The following PKD2L1 variants were observed in gnomAD, a reference collection of about 807,000 sequenced individuals.
PKD2L1 encodes polycystin-2-like protein 1.
PKD2L1 carries 77 observed loss-of-function variants against 93.0 expected under a neutral mutation model. That is an observed-to-expected ratio of 0.83 (90% CI 0.69 to 1.00). The LOEUF is 1.00. Among genes scored for constraint, PKD2L1 ranks in the 50% least tolerant of loss-of-function variants. The probability of loss-of-function intolerance (pLI) is 0.00; values close to 1 mark genes in which losing one functional copy is unlikely to be tolerated. For synonymous variants in PKD2L1, 390 were observed against 388.0 expected (o/e 1.01, Z -0.06); for missense variants, 977 against 990.9 (o/e 0.99, Z 0.19).
chr10:100,321,679 GAAAGAAAGAAAGAAAGA>G (rs1849234553), intron 2 of PKD2L1, among the ~76,000 whole-genome samples: 5 of 678 alleles, frequency 7.4e-3, no homozygotes, highest in African/African-American at 0.021. Context: ...AAGAAAGAAA[GAAAGAAAGAAAGAAAGA>G]AAGAAAGAAA....
chr10:100,307,847 G>A (rs2133555239), intron 2 of PKD2L1, among the ~76,000 whole-genome samples: 1 of 152,254 alleles, frequency 6.6e-6, no homozygotes, highest in South Asian at 2.1e-4. Flanking sequence ...TTCTAGGGCT[G>A]GCCTTCCCAG....
intron 15 of PKD2L1, among the ~76,000 whole-genome samples, chr10:100,288,757 A>G (rs1275516343): frequency 6.6e-6 from 1 of 152,156 alleles, no homozygotes; most frequent in Admixed American, 6.5e-5. Context: ...TCACAGAGCT[A>G]TGTGGCAACA....
In PKD2L1 at chr10:100,288,358, A is replaced by T; in HGVS notation, c.*38T>A. ...GGACCAGGAGGCAGCCTCTTGCAGA[A>T]GATCCTTCATAGACTTTGCTCCGGG... On this transcript the variant is annotated 3_prime_UTR_variant, in exon 16 of 16. Coordinates refer to ENST00000318222, the MANE Select transcript of PKD2L1 (RefSeq NM_016112.3). The T allele has an allele frequency of 7.4e-7, 1 of 1,345,016 alleles. No homozygotes were observed. The highest frequency in any genetic ancestry group is 1.1e-6 in the Non-Finnish European group (1 of 934,788). The allele number at this position is 1,345,016 out of a possible 1,614,324, so 83.3% of individuals were successfully genotyped here. A position where few individuals can be genotyped will look rare whatever the true frequency, so the allele number is the denominator to read the frequency against.
In PKD2L1 at chr10:100,296,431, C is replaced by T. The variant is rs144008351; in HGVS notation, c.1186-139G>A. On this transcript the variant is annotated intron_variant, in intron 6 of 15. Coordinates refer to ENST00000318222, the MANE Select transcript of PKD2L1 (RefSeq NM_016112.3). ...ATCCTTGCTGACTTGTTCACTATCT[C>T]AGTTTCAAATGGAACTTGGTAGGAT... is the stretch of plus-strand genomic sequence containing the variant. 3.7e-3 allele frequency: 2,217 copies of T among 607,206 alleles called. 122 individuals carry two copies. The Admixed American group carries it at 0.076, about 21-fold the overall frequency. 37.6% of individuals were successfully genotyped at this position (607,206 alleles called of 1,614,324 possible).
chr10:100,297,157 G>C lies in PKD2L1; in HGVS notation c.1008C>G (p.Ile336Met), dbSNP rs1409605202. The part of the protein sequence containing the change: ...ATGGAIPSWQ[I>M]RTVKLIRYVS... ...CATAGCGGATCAGCTTGACTGTGCG[G>C]ATTTGCCAGGATGGGATGGCACCTC... Residue 336 changes from isoleucine to methionine, a missense_variant, in exon 6 of 16, where the codon ATC (isoleucine) becomes ATG (methionine). By Grantham distance (10) the Ile-to-Met change is conservative. Transcript: ENST00000318222. 1 of 1,614,160 alleles carries C rather than the reference G, an allele frequency of 6.2e-7. No individual in the cohort carries two copies. Among genetic ancestry groups the C allele is most frequent in the Admixed American group, 1.7e-5 (1 of 60,026 alleles).
chr10:100,294,481 C>A, intron 9 of PKD2L1, 54 bp downstream of exon 9: 1 of 1,607,448 alleles, frequency 6.2e-7, no homozygotes, highest in Non-Finnish European at 8.5e-7. Context: ...ATACTAGGAC[C>A]AAAACTCCAC....
chr10:100,289,856 TG>T (rs1338060429), intron 14 of PKD2L1, among the ~76,000 whole-genome samples, 158 bp downstream of exon 14: 1 of 152,200 alleles, frequency 6.6e-6, no homozygotes, highest in African/African-American at 2.4e-5. Context: ...CTTATCTCCA[TG>T]ACCCATCTCT....
In PKD2L1 at chr10:100,297,432, G is replaced by A. The variant is rs149203866; in HGVS notation, c.906C>T (p.Phe302=). The A allele has an allele frequency of 3.2e-4, 518 of 1,614,148 alleles. No homozygotes were observed. The African/African-American group carries it at 6.1e-3, about 19-fold the overall frequency. ...LWLDRGTRVV[F]IDFSVYNANI... is the part of the protein sequence containing the mutation. ...TGGCATTGTAGACTGAGAAGTCGAT[G>A]AACACCACTCGAGTGCCCCTGTCCA... Residue 302 remains phenylalanine (F), a synonymous_variant, in exon 5 of 16, where the codon TTC becomes TTT. Coordinates refer to ENST00000318222, the MANE Select transcript of PKD2L1 (RefSeq NM_016112.3).
intron 11 of PKD2L1, among the ~76,000 whole-genome samples, chr10:100,292,334 A>G (rs1402054999): frequency 3.3e-5 from 5 of 152,062 alleles, no homozygotes. Context: ...TCTACCAAAA[A>G]TACAAAAATT....
At chr10:100,314,650 G>C (rs944313932) in intron 2 of PKD2L1, among the ~76,000 whole-genome samples, 1 of 152,000 alleles carries the variant, frequency 6.6e-6, no homozygotes, top group African/African-American at 2.4e-5. Context: ...CCTCACAGAC[G>C]GCATTGCTGT....
intron 2 of PKD2L1, among the ~76,000 whole-genome samples, chr10:100,320,500 C>A (rs1480227817): frequency 6.6e-6 from 1 of 152,158 alleles, no homozygotes; most frequent in Non-Finnish European, 1.5e-5. Context: ...TCTTTCCACT[C>A]CCAAGAGCCC....
intron 7 of PKD2L1, among the ~76,000 whole-genome samples, 178 bp downstream of exon 7, chr10:100,295,944 G>A (rs770105771): frequency 9.3e-5 from 14 of 150,984 alleles, no homozygotes; most frequent in Non-Finnish European, 1.3e-4. Context: ...GCTGAGGCAG[G>A]AGAATCACTT....
intron 2 of PKD2L1, among the ~76,000 whole-genome samples, chr10:100,314,863 C>A: frequency 6.6e-6 from 1 of 151,258 alleles, no homozygotes; most frequent in Non-Finnish European, 1.5e-5. Flanking sequence ...GGTGAAACCC[C>A]ATCTCTACTA....
At chr10:100,322,403 T>G (rs1202618428) in intron 2 of PKD2L1, among the ~76,000 whole-genome samples, 1 of 151,808 alleles carries the variant, frequency 6.6e-6, no homozygotes, top group Non-Finnish European at 1.5e-5. Context: ...CGTGGGCGCC[T>G]GTAATCCCAG....
chr10:100,291,051 A>G (rs567511580), intron 12 of PKD2L1, among the ~76,000 whole-genome samples: 1 of 152,226 alleles, frequency 6.6e-6, no homozygotes, highest in Admixed American at 6.5e-5. Flanking sequence ...AGTTATAAAA[A>G]GTACTGATGT....
At position 100,294,552 on chromosome 10, in the gene PKD2L1, CGAA is replaced by C. The variant is rs1848477170; in HGVS notation, c.1639_1641del (p.Phe547del). ...ACCCTCACCAGGAGCACGAAGAAGACGAAGAAGACATAGGTGACAAAGTAGGCA... is the reference window on the plus strand; with the variant it reads ...ACCCTCACCAGGAGCACGAAGAAGACGAAGACATAGGTGACAAAGTAGGCA... On this transcript the variant is annotated inframe_deletion, in exon 9 of 16. Coordinates refer to ENST00000318222, the MANE Select transcript of PKD2L1 (RefSeq NM_016112.3). 1 of 1,613,824 alleles carries C rather than the reference CGAA, an allele frequency of 6.2e-7. No homozygotes were observed. The highest frequency in any genetic ancestry group is 1.7e-5 in the Admixed American group (1 of 59,988).
chr10:100,288,867 G>A (rs1201252596), intron 15 of PKD2L1, 105 bp downstream of exon 15: 2 of 680,606 alleles, frequency 2.9e-6, no homozygotes, highest in Non-Finnish European at 4.9e-6. Context: ...CAGCAGCCAT[G>A]ATGGGACCTG....
chr10:100,291,531 T>C, intron 11 of PKD2L1, 104 bp from the exon 12 acceptor site: 1 of 1,249,960 alleles, frequency 8.0e-7, no homozygotes, highest in Non-Finnish European at 1.1e-6. Flanking sequence ...GTTTTGCTTC[T>C]GGTAAAGAAG....
intron 2 of PKD2L1, among the ~76,000 whole-genome samples, chr10:100,325,652 G>T (rs185681988): frequency 3.5e-4 from 53 of 152,298 alleles, no homozygotes; most frequent in Admixed American, 1.3e-3. Flanking sequence ...TATTAAGAGT[G>T]CAATTCCACA....
Sources: allele counts gnomAD v4.1 joint callset (sites outside exome capture counted in the v4.1 genomes callset), GRCh38; gene constraint gnomAD v4.1.1; transcripts MANE v1.5; gene names NCBI Gene and HGNC (gene_info 2026-07-23, HGNC 2026-07-21).